The following PTPRD variants were observed in gnomAD, a reference collection of about 807,000 sequenced individuals.
PTPRD encodes the protein protein tyrosine phosphatase receptor type D, also known as receptor-type tyrosine-protein phosphatase delta.
Under a neutral mutation model 214.5 loss-of-function variants are expected in PTPRD, and 34 were observed. The observed-to-expected ratio is 0.16, with a 90% CI of 0.12 to 0.21. The LOEUF (loss-of-function observed/expected upper bound fraction) is 0.21, where lower values mean the gene tolerates loss of function less well. Among genes scored for constraint, PTPRD ranks in the 10% least tolerant of loss-of-function variants. PTPRD has a pLI of 1.00. For missense variants in PTPRD, 2,545 were observed against 2,398.7 expected (o/e 1.06, Z -1.27); for synonymous variants, 1,128 against 845.7 (o/e 1.33, Z -5.79).
intron 2 of PTPRD, among the ~76,000 whole-genome samples, chr9:10,478,943 C>A (rs1589094511): frequency 6.6e-6 from 1 of 151,974 alleles, no homozygotes; most frequent in Non-Finnish European, 1.5e-5. Context: ...TCTCTCCATA[C>A]ATAAATCTAT....
intron 2 of PTPRD, among the ~76,000 whole-genome samples, chr9:10,436,509 C>T (rs2098718796): frequency 6.6e-6 from 1 of 151,614 alleles, no homozygotes; most frequent in Non-Finnish European, 1.5e-5. Flanking sequence ...ATGAATTAGT[C>T]TCCAACACAT....
intron 39 of PTPRD, among the ~76,000 whole-genome samples, chr9:8,373,432 C>G (rs539959709): frequency 7.1e-4 from 108 of 152,120 alleles, no homozygotes; most frequent in African/African-American, 2.5e-3. Context: ...ATTTCTTCCA[C>G]CAATATACCT....
chr9:9,343,377 C>A (rs1336524424), intron 9 of PTPRD, among the ~76,000 whole-genome samples: 1 of 152,184 alleles, frequency 6.6e-6, no homozygotes, highest in African/African-American at 2.4e-5. Flanking sequence ...CACATCCCCT[C>A]TAGCATCTGT....
chr9:10,261,621 T>C (rs1212953111), intron 3 of PTPRD, among the ~76,000 whole-genome samples: 1 of 152,144 alleles, frequency 6.6e-6, no homozygotes, highest in Non-Finnish European at 1.5e-5. Flanking sequence ...AGTATATTTA[T>C]ATAGTCTTCA....
chr9:10,193,835 G>T (rs10756008), intron 3 of PTPRD, among the ~76,000 whole-genome samples: 66,028 of 151,776 alleles, frequency 0.44, 17,457 homozygotes, highest in Non-Finnish European at 0.57. Flanking sequence ...CACTCATATG[G>T]GCACTGACGA....
At chr9:8,940,219 A>G (rs1484707879) in intron 11 of PTPRD, among the ~76,000 whole-genome samples, 1 of 148,482 alleles carries the variant, frequency 6.7e-6, no homozygotes, top group Non-Finnish European at 1.5e-5. Context: ...CACCTGCTAA[A>G]TTCTTTCCCC....
At chr9:9,921,124 G>A (rs1219021608) in intron 5 of PTPRD, among the ~76,000 whole-genome samples, 1 of 151,968 alleles carries the variant, frequency 6.6e-6, no homozygotes, top group Non-Finnish European at 1.5e-5. Context: ...GCCTGCTTCT[G>A]CACCACTGAA....
chr9:9,157,571 C>A (rs562680025), intron 10 of PTPRD, among the ~76,000 whole-genome samples: 59 of 152,130 alleles, frequency 3.9e-4, no homozygotes, highest in Middle Eastern at 6.8e-3. Flanking sequence ...AATTATGAAT[C>A]AACAGAAATT....
At chr9:8,392,491 A>T (rs1209728930) in intron 36 of PTPRD, among the ~76,000 whole-genome samples, 1 of 152,098 alleles carries the variant, frequency 6.6e-6, no homozygotes, top group Non-Finnish European at 1.5e-5. Flanking sequence ...GCACCACCAC[A>T]CTTCATTCCT....
intron 2 of PTPRD, chr9:10,532,071 G>A (rs1034681172): frequency 6.6e-6 from 1 of 152,084 alleles, no homozygotes; most frequent in Non-Finnish European, 1.5e-5. Context: ...TGTAAAACAA[G>A]CATTAATTTA....
chr9:9,339,060 C>G (rs896694323), intron 9 of PTPRD, among the ~76,000 whole-genome samples: 2 of 152,202 alleles, frequency 1.3e-5, no homozygotes, highest in African/African-American at 4.8e-5. Context: ...GGAAAATACA[C>G]TTTAATCTTG....
chr9:9,111,095 T>C (rs1245599920), intron 10 of PTPRD, among the ~76,000 whole-genome samples: 1 of 151,808 alleles, frequency 6.6e-6, no homozygotes. Context: ...AAGTGAGCTA[T>C]CTAGTTATCT....
At chr9:8,745,784 T>TTCTCTCTCTCTCTC (rs60391748) in intron 11 of PTPRD, among the ~76,000 whole-genome samples, 10 of 148,826 alleles carry the variant, frequency 6.7e-5, no homozygotes, top group African/African-American at 2.2e-4. Context: ...TTTATGGAGT[T>TTCTCTCTCTCTCTC]TCTCTCTCTC....
intron 9 of PTPRD, among the ~76,000 whole-genome samples, chr9:9,228,893 T>C (rs1383922310): frequency 6.6e-6 from 1 of 152,132 alleles, no homozygotes; most frequent in Non-Finnish European, 1.5e-5. Flanking sequence ...CAAACAGTAC[T>C]TAAAAAGTAT....
At chr9:9,824,922 G>T (rs2052173898) in intron 5 of PTPRD, among the ~76,000 whole-genome samples, 1 of 151,998 alleles carries the variant, frequency 6.6e-6, no homozygotes, top group Non-Finnish European at 1.5e-5. Context: ...AGCATATAAA[G>T]TGGGCTCTGG....
chr9:9,101,069 T>C (rs1432919428), intron 10 of PTPRD, among the ~76,000 whole-genome samples: 4 of 149,076 alleles, frequency 2.7e-5, no homozygotes, highest in Non-Finnish European at 5.9e-5. Context: ...AAGATGTAAA[T>C]ATGAAATCTG....
intron 12 of PTPRD, among the ~76,000 whole-genome samples, chr9:8,667,861 A>G (rs1187226306): frequency 6.6e-6 from 1 of 152,164 alleles, no homozygotes; most frequent in Non-Finnish European, 1.5e-5. Context: ...CCCTGATTCT[A>G]CAGGCAATTA....
At position 10,509,557 on chromosome 9, in the gene PTPRD, T is replaced by TTATATTTATATATATATATATATA. The variant is rs1246261539; in HGVS notation, c.-600+102840_-600+102841insTATATATATATATATATAAATATA. 3.8e-3 allele frequency among the ~76,000 whole-genome samples: 407 copies of TTATATTTATATATATATATATATA among 106,654 alleles called. 11 individuals are homozygous for TTATATTTATATATATATATATATA. Among genetic ancestry groups the TTATATTTATATATATATATATATA allele is most frequent in the African/African-American group, 0.011 (279 of 25,130 alleles). 70.0% of individuals were successfully genotyped at this position (106,654 alleles called of 152,430 possible). On this transcript the variant is annotated intron_variant, in intron 2 of 45. Transcript: ENST00000381196. ...TAAATATATTTACATTTAATAAATA[T>TTATATTTATATATATATATATATA]TATATATATATATATATATATATTT...
At chr9:8,832,213 C>T (rs191411731) in intron 11 of PTPRD, among the ~76,000 whole-genome samples, 26 of 151,548 alleles carry the variant, frequency 1.7e-4, no homozygotes, top group African/African-American at 5.6e-4. Context: ...AAACGTTATG[C>T]CAAATGGTGT....
Sources: gnomAD v4.1 joint callset for allele counts (sites outside exome capture counted in the v4.1 genomes callset) on GRCh38, gnomAD v4.1.1 for gene constraint, MANE v1.5 for transcripts, NCBI Gene and HGNC (gene_info 2026-07-23, HGNC 2026-07-21) for gene names.